ITGBL1: variants seen among roughly 807,000 people sequenced by gnomAD.
ITGBL1 encodes integrin subunit beta like 1, also known as integrin beta-like protein 1.
Under a neutral mutation model 68.5 loss-of-function variants are expected in ITGBL1, and 51 were observed. That is an observed-to-expected ratio of 0.74 (90% confidence interval 0.59 to 0.94). ITGBL1 has a LOEUF of 0.94. Among genes scored for constraint, ITGBL1 ranks in the 40% least tolerant of loss-of-function variants. The pLI is 0.00. For synonymous variants in ITGBL1, 209 were observed against 227.3 expected (o/e 0.92, Z 0.72); for missense variants, 649 against 647.4 (o/e 1.00, Z -0.03).
At chr13:101,687,776 A>T (rs2033789656) in intron 7 of ITGBL1, among the ~76,000 whole-genome samples, 1 of 152,142 alleles carries the variant, frequency 6.6e-6, no homozygotes, top group South Asian at 2.1e-4. Flanking sequence ...GATGATATTG[A>T]TGATGTTGGC....
intron 2 of ITGBL1, among the ~76,000 whole-genome samples, chr13:101,541,139 CA>C (rs2049690883): frequency 6.7e-6 from 1 of 149,200 alleles, no homozygotes; most frequent in Non-Finnish European, 1.5e-5. Context: ...TGCCAGTTTT[CA>C]AAGGGAATGC....
At chr13:101,641,448 A>C (rs1236090392) in intron 7 of ITGBL1, among the ~76,000 whole-genome samples, 1 of 151,544 alleles carries the variant, frequency 6.6e-6, no homozygotes, top group Non-Finnish European at 1.5e-5. Flanking sequence ...TTGATTGTCT[A>C]TTTATGTCAT....
chr13:101,600,714 G>GCTTT (rs1566750769), intron 7 of ITGBL1, among the ~76,000 whole-genome samples: 1 of 152,124 alleles, frequency 6.6e-6, no homozygotes, highest in Non-Finnish European at 1.5e-5. Flanking sequence ...TTTTGTCTTT[G>GCTTT]GTTCTGTTTA....
rs557865109 is a variant in ITGBL1, at chr13:101,560,289, A to G, written c.317-7410A>G. On this transcript the variant is annotated intron_variant, in intron 2 of 10. Coordinates refer to ENST00000376180, the MANE Select transcript of ITGBL1 (RefSeq NM_004791.3). ...TGAGCATATTTGAATACACTGGAAAATAGGACACAAAACAGGTTTTTGGAA... is the reference window on the plus strand; with the variant it reads ...TGAGCATATTTGAATACACTGGAAAGTAGGACACAAAACAGGTTTTTGGAA... 4.2e-4 allele frequency among the ~76,000 whole-genome samples: 64 copies of G among 152,336 alleles called. 1 individual carries two copies. Among genetic ancestry groups the G allele is most frequent in the Middle Eastern group, 3.4e-3 (1 of 294 alleles).
chr13:101,640,485 C>A (rs557125322), intron 7 of ITGBL1, among the ~76,000 whole-genome samples: 4 of 152,244 alleles, frequency 2.6e-5, no homozygotes, highest in African/African-American at 9.6e-5. Context: ...TTTTTTACTA[C>A]CTGAAATCTC....
chr13:101,708,572 C>T (rs1383455325), intron 9 of ITGBL1, among the ~76,000 whole-genome samples: 2 of 152,160 alleles, frequency 1.3e-5, no homozygotes, highest in Non-Finnish European at 2.9e-5. Context: ...GCAAGATGTG[C>T]CGTGTGTCCC....
Position 101,642,286 on chromosome 13 carries a change from T to A in ITGBL1, c.1015+43987T>A, listed in dbSNP as rs551461282. Among the ~76,000 whole-genome samples, 58 of 152,320 alleles carry A rather than the reference T, an allele frequency of 3.8e-4. 1 individual carries two copies. The highest frequency in any genetic ancestry group is 3.0e-3 in the Admixed American group (46 of 15,304). On this transcript the variant is annotated intron_variant, in intron 7 of 10. Transcript: ENST00000376180. ...GGTGTGAGATGGTATCTCATTGTGGTTTTGATTTACATTTCTCTGATGGCC... is the reference window on the plus strand; with the variant it reads ...GGTGTGAGATGGTATCTCATTGTGGATTTGATTTACATTTCTCTGATGGCC...
At chr13:101,514,061 T>A (rs2049157687) in intron 2 of ITGBL1, among the ~76,000 whole-genome samples, 1 of 152,100 alleles carries the variant, frequency 6.6e-6, no homozygotes, top group Non-Finnish European at 1.5e-5. Context: ...AACACATCTG[T>A]AAACACAAAC....
intron 2 of ITGBL1, among the ~76,000 whole-genome samples, chr13:101,458,405 G>A (rs747436825): frequency 6.6e-6 from 1 of 152,196 alleles, no homozygotes; most frequent in Non-Finnish European, 1.5e-5. Context: ...GGTTGGCTTG[G>A]CTGGATCTTA....
At chr13:101,558,083 CAAAAAAAAAAAA>C (rs568103738) in intron 2 of ITGBL1, among the ~76,000 whole-genome samples, 4 of 71,688 alleles carry the variant, frequency 5.6e-5, no homozygotes, top group African/African-American at 2.0e-4. Context: ...AACTCCGTCT[CAAAAAAAAAAAA>C]AAAAAAAAAA....
At chr13:101,601,537 A>T (rs1036307130) in intron 7 of ITGBL1, among the ~76,000 whole-genome samples, 21 of 152,156 alleles carry the variant, frequency 1.4e-4, no homozygotes, top group Non-Finnish European at 1.5e-4. Flanking sequence ...TAGGTTGTCA[A>T]TTTTAGATCT....
chr13:101,682,029 G>T (rs1382521407), intron 7 of ITGBL1, among the ~76,000 whole-genome samples: 1 of 152,122 alleles, frequency 6.6e-6, no homozygotes, highest in Non-Finnish European at 1.5e-5. Context: ...CTTTCCATAA[G>T]GCAGTGCTTC....
chr13:101,673,477 AATACATGCTGTACCTGG>A (rs1295540060), intron 7 of ITGBL1, among the ~76,000 whole-genome samples: 2 of 152,174 alleles, frequency 1.3e-5, no homozygotes, highest in African/African-American at 4.8e-5. Flanking sequence ...TATTGCCAAT[AATACATGCTGTACCTGG>A]ATAAACCCCT....
intron 7 of ITGBL1, 55 bp downstream of exon 7, chr13:101,598,354 T>C: frequency 7.6e-7 from 1 of 1,322,668 alleles, no homozygotes; most frequent in Non-Finnish European, 1.0e-6. Context: ...TTCAAATGAA[T>C]TCAATGCACA....
intron 2 of ITGBL1, among the ~76,000 whole-genome samples, chr13:101,549,216 A>G (rs559091366): frequency 6.0e-4 from 91 of 152,098 alleles, no homozygotes; most frequent in Non-Finnish European, 1.2e-3. Context: ...ATAAATATGG[A>G]CAGTAACCAT....
chr13:101,576,347 C>G (rs527792191), intron 4 of ITGBL1, among the ~76,000 whole-genome samples: 1 of 152,172 alleles, frequency 6.6e-6, no homozygotes, highest in East Asian at 1.9e-4. Flanking sequence ...AGAGGAGTCT[C>G]TCCTCACCAC....
chr13:101,465,474 GAT>G, intron 2 of ITGBL1, among the ~76,000 whole-genome samples: 1 of 152,224 alleles, frequency 6.6e-6, no homozygotes, highest in Admixed American at 6.5e-5. Context: ...TCTATTAACA[GAT>G]ATGCTATTCT....
intron 2 of ITGBL1, among the ~76,000 whole-genome samples, chr13:101,504,743 C>T (rs1223923847): frequency 1.3e-5 from 2 of 152,198 alleles, no homozygotes; most frequent in South Asian, 4.1e-4. Flanking sequence ...ATAGCCCTTG[C>T]AAATGATAGC....
chr13:101,452,968 C>A, intron 1 of ITGBL1, 37 bp downstream of exon 1: 1 of 1,547,356 alleles, frequency 6.5e-7, no homozygotes, highest in Non-Finnish European at 8.9e-7. Context: ...ACAGACCTGC[C>A]CTGCTTATGT....
Sources: gnomAD v4.1 joint callset for allele counts (sites outside exome capture counted in the v4.1 genomes callset) on GRCh38, gnomAD v4.1.1 for gene constraint, MANE v1.5 for transcripts, NCBI Gene and HGNC (gene_info 2026-07-23, HGNC 2026-07-21) for gene names.